PPM1B: variants seen among roughly 807,000 people sequenced by gnomAD.
PPM1B encodes the protein protein phosphatase, Mg2+/Mn2+ dependent 1B.
PPM1B carries 22 observed loss-of-function variants against 43.0 expected under a neutral mutation model. That is an observed-to-expected ratio of 0.51 (90% confidence interval 0.37 to 0.73). The LOEUF (loss-of-function observed/expected upper bound fraction) is 0.73, where lower values mean the gene tolerates loss of function less well. Ranked by LOEUF, PPM1B falls within the 30% of genes least tolerant of loss-of-function variation. The pLI is 0.00. For synonymous variants in PPM1B, 217 were observed against 197.9 expected (o/e 1.10, Z -0.81); for missense variants, 632 against 584.2 (o/e 1.08, Z -0.84).
Position 44,209,324 on chromosome 2 carries a change from G to A in PPM1B, c.961G>A (p.Glu321Lys). Residue 321 changes from glutamate (E) to lysine (K), a missense_variant, in exon 3 of 6, where the codon GAA becomes AAA. By Grantham distance (56) the Glu-to-Lys change is moderately conservative (BLOSUM62 1). Coordinates refer to ENST00000282412, the MANE Select transcript of PPM1B (RefSeq NM_002706.6). ...GGATAAGCACTTGGAATCACGGGTT[G>A]AAGGTAAGACAAATGCTTTTTAAAA... The part of the protein sequence containing the change: ...ELDKHLESRV[E>K]EIMEKSGEEG... 1 of 1,613,796 alleles carries A rather than the reference G, an allele frequency of 6.2e-7. No homozygotes were observed.
At chr2:44,233,808 A>T (rs1319610730), downstream of PPM1B, 4 of 985,396 alleles carry the variant, frequency 4.1e-6, no homozygotes, top group East Asian at 3.4e-4. Context: ...AATATATTTT[A>T]TTTATTCTTT....
intron 5 of PPM1B, among the ~76,000 whole-genome samples, chr2:44,241,857 C>CTTT (rs397984437): frequency 2.2e-5 from 2 of 90,956 alleles, no homozygotes; most frequent in African/African-American, 4.5e-5. Flanking sequence ...AGAAAATAAT[C>CTTT]TTTTTTTTTT....
At chr2:44,180,483 A>G (rs1260958443) in intron 1 of PPM1B, among the ~76,000 whole-genome samples, 2 of 152,218 alleles carry the variant, frequency 1.3e-5, no homozygotes, top group African/African-American at 2.4e-5. Flanking sequence ...TACTTAGTAA[A>G]TGTTGCAGTG....
chr2:44,232,389 G>C, downstream of PPM1B: 1 of 1,592,808 alleles, frequency 6.3e-7, no homozygotes, highest in Non-Finnish European at 8.5e-7. Context: ...AAAATTGGGG[G>C]AAAAAACTTT....
chr2:44,205,241 G>T (rs1266785972), intron 2 of PPM1B, among the ~76,000 whole-genome samples: 1 of 152,036 alleles, frequency 6.6e-6, no homozygotes, highest in Admixed American at 6.6e-5. Context: ...TCATATACTT[G>T]GTGAGTATTG....
At chr2:44,169,479 C>T (rs908112879) in intron 1 of PPM1B, among the ~76,000 whole-genome samples, 1 of 152,250 alleles carries the variant, frequency 6.6e-6, no homozygotes, top group African/African-American at 2.4e-5. Context: ...CCTTCCCCGG[C>T]CGCCGCCTCC....
downstream of PPM1B, among the ~76,000 whole-genome samples, chr2:44,244,612 G>A (rs1204088765): frequency 6.6e-6 from 1 of 151,856 alleles, no homozygotes; most frequent in African/African-American, 2.4e-5. Context: ...GGAAGTTACT[G>A]GATTTCTAAA....
intron 1 of PPM1B, among the ~76,000 whole-genome samples, chr2:44,193,611 G>A (rs948004305): frequency 7.7e-6 from 1 of 129,686 alleles, no homozygotes; most frequent in Non-Finnish European, 1.6e-5. Flanking sequence ...ACAGAGTCTC[G>A]CTCCATTGCC....
At chr2:44,199,507 A>C (rs1027395513) in intron 1 of PPM1B, among the ~76,000 whole-genome samples, 1 of 152,096 alleles carries the variant, frequency 6.6e-6, no homozygotes, top group Non-Finnish European at 1.5e-5. Context: ...TGATTTAGTA[A>C]ATACAGCCAA....
chr2:44,212,587 A>G (rs1008989525), intron 3 of PPM1B, among the ~76,000 whole-genome samples: 2 of 152,114 alleles, frequency 1.3e-5, no homozygotes, highest in Admixed American at 6.5e-5. Context: ...ATAATTGCTG[A>G]TATGTTTGAG....
At chr2:44,226,599 T>C (rs1670219857) in intron 5 of PPM1B, among the ~76,000 whole-genome samples, 1 of 152,190 alleles carries the variant, frequency 6.6e-6, no homozygotes, top group South Asian at 2.1e-4. Flanking sequence ...AACTTTGGCA[T>C]GTGTGCAATT....
intron 1 of PPM1B, among the ~76,000 whole-genome samples, chr2:44,179,897 T>C (rs1329687315): frequency 6.6e-6 from 1 of 150,952 alleles, no homozygotes; most frequent in Non-Finnish European, 1.5e-5. Context: ...TAATCCCAGC[T>C]ACTCAGGAGG....
At chr2:44,214,751 C>G (rs954178374) in intron 3 of PPM1B, among the ~76,000 whole-genome samples, 1 of 152,184 alleles carries the variant, frequency 6.6e-6, no homozygotes, top group Non-Finnish European at 1.5e-5. Context: ...GAGCAGGATT[C>G]TCATTCAGCC....
intron 5 of PPM1B, among the ~76,000 whole-genome samples, chr2:44,229,761 AAGT>A (rs1332210054): frequency 2.6e-5 from 4 of 152,204 alleles, no homozygotes; most frequent in African/African-American, 9.6e-5. Context: ...GTACAGTATT[AAGT>A]AGTTACTATT....
intron 1 of PPM1B, among the ~76,000 whole-genome samples, chr2:44,186,555 T>C (rs906848366): frequency 2.6e-5 from 4 of 152,020 alleles, no homozygotes; most frequent in Admixed American, 6.5e-5. Context: ...TTTTTTTTTT[T>C]ATAGAGACAG....
rs541316475 is a variant in PPM1B, at chr2:44,189,557, A to G, written c.-14-11629A>G. ...CAGCTCACTGCAACCTCTGCCTGCC[A>G]GGTTCAAGCAATTCTCCTGCCTCAG... On this transcript the variant is annotated intron_variant, in intron 1 of 5. Transcript: ENST00000282412. 4.6e-5 allele frequency among the ~76,000 whole-genome samples: 7 copies of G among 152,148 alleles called. No individual in the cohort carries two copies. In the South Asian group the frequency reaches 1.2e-3, roughly 27 times the overall value.
At chr2:44,230,255 A>T (rs1313622993) in intron 5 of PPM1B, 158 bp from the exon 6 acceptor site, 2 of 1,440,264 alleles carry the variant, frequency 1.4e-6, no homozygotes, top group Non-Finnish European at 1.8e-6. Flanking sequence ...GTTTTTATTA[A>T]TTGATACAGG....
At chr2:44,220,572 CAG>C (rs1669933317) in intron 5 of PPM1B, among the ~76,000 whole-genome samples, 1 of 152,162 alleles carries the variant, frequency 6.6e-6, no homozygotes, top group South Asian at 2.1e-4. Context: ...CAAACACTGA[CAG>C]TGTGTTGTAT....
intron 5 of PPM1B, among the ~76,000 whole-genome samples, chr2:44,224,519 T>TCAA (rs1344855993): frequency 3.9e-5 from 6 of 151,974 alleles, no homozygotes; most frequent in Admixed American, 3.9e-4. Flanking sequence ...TAAATATTGC[T>TCAA]GCAAATAAAT....
Sources: allele counts gnomAD v4.1 joint callset (sites outside exome capture counted in the v4.1 genomes callset), GRCh38; gene constraint gnomAD v4.1.1; transcripts MANE v1.5; gene names NCBI Gene and HGNC (gene_info 2026-07-23, HGNC 2026-07-21).